The following DMXL2 variants were observed in gnomAD, a reference collection of about 807,000 sequenced individuals.
The protein encoded by DMXL2 is Dmx like 2.
DMXL2 carries 103 observed loss-of-function variants against 331.1 expected under a neutral mutation model. The ratio of observed to expected loss-of-function variants is 0.31; its 90% CI spans 0.27 to 0.37. The LOEUF is 0.37. Among genes scored for constraint, DMXL2 ranks in the 10% least tolerant of loss-of-function variants. The probability of loss-of-function intolerance (pLI) is 1.00; values close to 1 mark genes in which losing one functional copy is unlikely to be tolerated. For synonymous variants in DMXL2, 1,281 were observed against 1,252.1 expected, an observed-to-expected ratio of 1.02 and a Z score of -0.49; for missense variants, 3,171 against 3,642.9, an observed-to-expected ratio of 0.87 and a Z score of 3.33.
At chr15:51,452,382 A>T (rs958986275) in intron 41 of DMXL2, among the ~76,000 whole-genome samples, 1 of 152,324 alleles carries the variant, frequency 6.6e-6, no homozygotes, top group Admixed American at 6.5e-5. Flanking sequence ...CAAGGGACTT[A>T]TATCTAGAAT....
Position 51,450,079 on chromosome 15 carries a change from T to C in DMXL2, c.8967+50A>G, listed in dbSNP as rs766013448. On this transcript the variant is annotated intron_variant, in intron 43 of 43. Transcript: ENST00000560891. The stretch of plus-strand genomic sequence containing the variant: ...CAAAGAATGTGGAGTTTTTGTTTTT[T>C]CTCTTTCCAATCAGTCTTTAGCACA... The C allele has an allele frequency of 3.9e-6, 6 of 1,532,866 alleles. No homozygotes were observed. The East Asian group carries it at 1.4e-4, about 35-fold the overall frequency. 95.0% of individuals were successfully genotyped at this position (1,532,866 alleles called of 1,614,324 possible).
In DMXL2 at chr15:51,488,123, G is replaced by A. The variant is rs745518613; in HGVS notation, c.5052-4C>T. 4 of 1,591,796 alleles carry A rather than the reference G, an allele frequency of 2.5e-6. No individual in the cohort carries two copies. Among genetic ancestry groups the A allele is most frequent in the Non-Finnish European group, 3.4e-6 (4 of 1,170,576 alleles). On this transcript the variant is annotated splice_region_variant and splice_polypyrimidine_tract_variant and intron_variant, in intron 21 of 43. Coordinates refer to ENST00000560891, the MANE Select transcript of DMXL2 (RefSeq NM_001378457.1). ...CATTTTTTCATCATGCTGTGACCTGGGGACCGAGCATAAACATAAAGTGGT... is the reference window on the plus strand; with the variant it reads ...CATTTTTTCATCATGCTGTGACCTGAGGACCGAGCATAAACATAAAGTGGT...
intron 6 of DMXL2, among the ~76,000 whole-genome samples, chr15:51,552,749 A>G (rs2049299199): frequency 6.6e-6 from 1 of 152,136 alleles, no homozygotes; most frequent in Admixed American, 6.5e-5. Context: ...TCTCTAATAC[A>G]CACGTTCTCC....
At chr15:51,527,799 T>C (rs2047765892) in intron 13 of DMXL2, among the ~76,000 whole-genome samples, 1 of 151,494 alleles carries the variant, frequency 6.6e-6, no homozygotes, top group Non-Finnish European at 1.5e-5. Flanking sequence ...CACAGAATAT[T>C]ACACTGTAAC....
chr15:51,500,148 A>G lies in DMXL2; in HGVS notation c.3076T>C (p.Phe1026Leu). ...TTGGCTTCCATACAACATTTCCAGA[A>G]GCGTACTTTATTGTCAGAACAAGTT... ...VTTCSDNKVR[F>L]WKCCMEANPE... Residue 1026 changes from phenylalanine to leucine, a missense_variant, in exon 18 of 44, where the codon TTC (phenylalanine) becomes CTC (leucine). By Grantham distance (22) the Phe-to-Leu change is conservative. Transcript: ENST00000560891. 6.2e-7 allele frequency: 1 copy of G among 1,614,220 alleles called. No homozygotes were observed. The highest frequency in any genetic ancestry group is 2.2e-5 in the East Asian group (1 of 44,890).
Position 51,486,067 on chromosome 15 carries a change from T to C in DMXL2, c.5482+6A>G. 6.4e-7 allele frequency: 1 copy of C among 1,573,556 alleles called. No homozygotes were observed. Among genetic ancestry groups the C allele is most frequent in the Non-Finnish European group, 8.7e-7 (1 of 1,155,414 alleles). On this transcript the variant is annotated splice_donor_region_variant and intron_variant, in intron 23 of 43. Coordinates refer to ENST00000560891, the MANE Select transcript of DMXL2 (RefSeq NM_001378457.1). ...AGAAAAAAAAGAAATCCACAAAACG[T>C]CCTACCTTGATGTTCATCATCCTCC...
Position 51,542,210 on chromosome 15 carries a change from C to G in DMXL2, c.1105+123G>C, listed in dbSNP as rs1014143260. The G allele has an allele frequency of 3.2e-6, 3 of 924,902 alleles. No homozygotes were observed. The African/African-American group carries it at 5.0e-5, about 15-fold the overall frequency. The allele number at this position is 924,902 out of a possible 1,614,324, so 57.3% of individuals were successfully genotyped here. A position where few individuals can be genotyped will look rare whatever the true frequency, so the allele number is the denominator to read the frequency against. On this transcript the variant is annotated intron_variant, in intron 9 of 43. Coordinates refer to ENST00000560891, the MANE Select transcript of DMXL2 (RefSeq NM_001378457.1). ...AATGGTACTTTATATTATATCTCTACTCCAATTAAGTATTTTAAAGGCAAC... is the reference window on the plus strand; with the variant it reads ...AATGGTACTTTATATTATATCTCTAGTCCAATTAAGTATTTTAAAGGCAAC...
At chr15:51,513,540 G>A (rs2046874269) in intron 15 of DMXL2, among the ~76,000 whole-genome samples, 1 of 152,156 alleles carries the variant, frequency 6.6e-6, no homozygotes, top group African/African-American at 2.4e-5. Flanking sequence ...TTAGAATACA[G>A]GACCTCAATC....
In DMXL2 at chr15:51,498,716, G is replaced by T; in HGVS notation, c.4508C>A (p.Pro1503Gln). ...TGCATGTTCTTGGCCAAAGTAAGCT[G>T]GTCCATATTGAGAAAGATTTATTAC... ...SKVINLSQYG[P>Q]AYFGQEHARV... Residue 1503 changes from proline (P) to glutamine (Q), a missense_variant, in exon 18 of 44, where the codon CCA becomes CAA. Pro to Gln is a moderately conservative substitution (Grantham distance 76). This residue lies in a region of DMXL2 where 252 missense variants were observed against 387.4 expected (regional missense o/e 0.65). Transcript: ENST00000560891. 1 of 1,614,048 alleles carries T rather than the reference G, an allele frequency of 6.2e-7. No individual in the cohort carries two copies. The highest frequency in any genetic ancestry group is 8.5e-7 in the Non-Finnish European group (1 of 1,179,982).
At chr15:51,537,031 T>C (rs1050365568) in intron 11 of DMXL2, among the ~76,000 whole-genome samples, 169 bp from the exon 12 acceptor site, 4 of 152,162 alleles carry the variant, frequency 2.6e-5, no homozygotes, top group African/African-American at 7.2e-5. Context: ...TCTCTATTCA[T>C]GGCCTAAGAG....
At chr15:51,539,893 T>G (rs1165560615) in intron 9 of DMXL2, among the ~76,000 whole-genome samples, 1 of 152,192 alleles carries the variant, frequency 6.6e-6, no homozygotes, top group Non-Finnish European at 1.5e-5. Flanking sequence ...CAAAAAGAAG[T>G]GAAAATCTAA....
At chr15:51,557,571 A>T (rs1245878293) in intron 6 of DMXL2, among the ~76,000 whole-genome samples, 1 of 152,178 alleles carries the variant, frequency 6.6e-6, no homozygotes, top group Non-Finnish European at 1.5e-5. Context: ...AAGAATAGAT[A>T]AGACGATCTT....
chr15:51,475,386 C>A (rs147062107), intron 27 of DMXL2, among the ~76,000 whole-genome samples: 2,251 of 152,148 alleles, frequency 0.015, 40 homozygotes, highest in African/African-American at 0.051. Context: ...CCCAGCTACT[C>A]AGGAGGCTGA....
intron 17 of DMXL2, among the ~76,000 whole-genome samples, chr15:51,502,136 GC>G (rs1310476794): frequency 6.6e-6 from 1 of 150,622 alleles, no homozygotes; most frequent in Non-Finnish European, 1.5e-5. Flanking sequence ...GGAGGCTGAG[GC>G]AGGAGAATGG....
rs761541951 is a variant in DMXL2 at position 51,488,654 on chromosome 15, T to TAA, written c.4954-11_4954-10dup. On this transcript the variant is annotated splice_polypyrimidine_tract_variant and intron_variant, in intron 20 of 43. Transcript: ENST00000560891. ...AAAGAAGCTTTGGCAACCTAAATGA[T>TAA]AAATAAAATATTAAATTCACAATTT... is the stretch of plus-strand genomic sequence containing the variant. 1 of 1,587,842 alleles carries TAA rather than the reference T, an allele frequency of 6.3e-7. No individual in the cohort carries two copies. The highest frequency in any genetic ancestry group is 8.6e-7 in the Non-Finnish European group (1 of 1,164,544).
rs149332601 is a variant in DMXL2 at position 51,564,193 on chromosome 15, T to C, written c.432A>G (p.Glu144=). 2 of 1,608,738 alleles carry C rather than the reference T, an allele frequency of 1.2e-6. No individual in the cohort carries two copies. The highest frequency in any genetic ancestry group is 1.7e-6 in the Non-Finnish European group (2 of 1,177,686). Residue 144 remains glutamate, a synonymous_variant, in exon 5 of 44, where the codon GAA becomes GAG. Coordinates refer to ENST00000560891, the MANE Select transcript of DMXL2 (RefSeq NM_001378457.1). ...CTGTATTATCAATTTCTTCCTCCTC[T>C]TCCAGAATATCATCTCCTGGAGGAG... is the stretch of plus-strand genomic sequence containing the variant. ...LWAPPGDDIL[E]EEEEIDNTVP... is the part of the protein sequence containing the mutation.
intron 28 of DMXL2, among the ~76,000 whole-genome samples, chr15:51,472,540 C>T (rs768994530): frequency 7.9e-5 from 12 of 152,138 alleles, no homozygotes; most frequent in African/African-American, 2.2e-4. Context: ...TCTCCCTCCC[C>T]CTAGCCCATG....
chr15:51,518,027 G>C (rs1419481523), intron 13 of DMXL2, among the ~76,000 whole-genome samples: 2 of 152,154 alleles, frequency 1.3e-5, no homozygotes, highest in African/African-American at 4.8e-5. Context: ...TGTTAGCTCA[G>C]ACATTTAGAA....
At chr15:51,495,710 G>A (rs1033317125) in intron 18 of DMXL2, among the ~76,000 whole-genome samples, 1 of 152,098 alleles carries the variant, frequency 6.6e-6, no homozygotes, top group Non-Finnish European at 1.5e-5. Context: ...GTCAAAGTAT[G>A]AAGGTATGGC....
Sources: gnomAD v4.1 joint callset for allele counts (sites outside exome capture counted in the v4.1 genomes callset) on GRCh38, gnomAD v4.1.1 for gene constraint, gnomAD v4.1.1 regional missense constraint, MANE v1.5 for transcripts, NCBI Gene and HGNC (gene_info 2026-07-23, HGNC 2026-07-21) for gene names.